RBM33: variants seen among roughly 807,000 people sequenced by gnomAD.
RBM33 encodes the protein RNA binding motif protein 33, also known as RNA-binding protein 33.
RBM33 carries 28 observed loss-of-function variants against 132.6 expected under a neutral mutation model. That is an observed-to-expected ratio of 0.21 (90% CI 0.16 to 0.29). The LOEUF (loss-of-function observed/expected upper bound fraction) is 0.29. RBM33 is among the 10% of genes least tolerant of loss of function. The pLI, the probability that RBM33 is intolerant of heterozygous loss-of-function variation, is 1.00. For missense variants in RBM33, 1,291 were observed against 1,518.5 expected (o/e 0.85, Z 2.49); for synonymous variants, 634 against 593.0 (o/e 1.07, Z -1.01).
At chr7:155,653,681 G>A (rs1798416861) in intron 1 of RBM33, among the ~76,000 whole-genome samples, 1 of 152,174 alleles carries the variant, frequency 6.6e-6, no homozygotes, top group Non-Finnish European at 1.5e-5. Context: ...TGCTGGGAGG[G>A]TGGTGCACCC....
chr7:155,740,025 A>G lies in RBM33; in HGVS notation c.2048A>G (p.His683Arg). 6.5e-7 allele frequency: 1 copy of G among 1,539,448 alleles called. No homozygotes were observed. Among genetic ancestry groups the G allele is most frequent in the South Asian group, 1.2e-5 (1 of 80,278 alleles). The change falls in exon 12 of 18, where the codon CAT becomes CGT. Residue 683 changes from histidine (H) to arginine (R), a missense_variant and splice_region_variant. By Grantham distance (29) the His-to-Arg change is conservative. This residue lies in a region of RBM33 where 841 missense variants were observed against 912.0 expected (regional missense o/e 0.92). Transcript: ENST00000401878. ...TGCCCCCAGCGCCAGGGGCTCCGGC[A>G]TGTAAGTGTCAAGGGGTGTCTTCCC... ...MQCPQRQGLR[H>R]NTTSQNVSKR... is the part of the protein sequence containing the mutation.
In RBM33 at chr7:155,673,943, T is replaced by TTTG. The variant is rs1563138296; in HGVS notation, c.171+1030_171+1031insGTT. Among the ~76,000 whole-genome samples, 2 of 17,316 alleles carry TTTG rather than the reference T, an allele frequency of 1.2e-4. 1 individual carries two copies. The highest frequency in any genetic ancestry group is 2.5e-4 in the Non-Finnish European group (2 of 8,108). 11.4% of individuals were successfully genotyped at this position (17,316 alleles called of 152,430 possible). A position where few individuals can be genotyped will look rare whatever the true frequency, so the allele number is the denominator to read the frequency against. On this transcript the variant is annotated intron_variant, in intron 3 of 17. Coordinates refer to ENST00000401878, the MANE Select transcript of RBM33 (RefSeq NM_053043.3). The stretch of plus-strand genomic sequence containing the variant: ...TTATCAAGATAGTTTAGGCTTAGTT[T>TTTG]TTTTTTTTTTTTTTTTTTTTTTTTT...
intron 16 of RBM33, among the ~76,000 whole-genome samples, chr7:155,768,640 G>C (rs6958363): frequency 0.067 from 10,177 of 152,192 alleles, 533 homozygotes; most frequent in African/African-American, 0.15. Context: ...TTTTGGAGAC[G>C]GAGTCTCGCT....
intron 13 of RBM33, among the ~76,000 whole-genome samples, chr7:155,742,776 G>A (rs1311811456): frequency 1.3e-5 from 2 of 152,222 alleles, no homozygotes; most frequent in Admixed American, 6.5e-5. Flanking sequence ...ATGCAGCTCA[G>A]TCTTTACCTG....
intron 5 of RBM33, among the ~76,000 whole-genome samples, chr7:155,691,841 A>C (rs1315294208): frequency 1.3e-5 from 2 of 152,182 alleles, no homozygotes; most frequent in East Asian, 3.9e-4. Context: ...GGGTCACTTG[A>C]GCTCAGGAGA....
At chr7:155,699,415 G>A (rs12698264) in intron 5 of RBM33, among the ~76,000 whole-genome samples, 37,556 of 152,040 alleles carry the variant, frequency 0.25, 4,924 homozygotes, top group Admixed American at 0.38. Context: ...TCATGGGAGC[G>A]GAGAATAGAC....
intron 14 of RBM33, among the ~76,000 whole-genome samples, chr7:155,752,600 G>A (rs1801718030): frequency 6.6e-6 from 1 of 152,210 alleles, no homozygotes; most frequent in Non-Finnish European, 1.5e-5. Flanking sequence ...ATGAGACACA[G>A]CTGAGCACTG....
At chr7:155,685,136 G>T in intron 5 of RBM33, 1 of 1,375,764 alleles carries the variant, frequency 7.3e-7, no homozygotes, top group South Asian at 1.4e-5. Context: ...TAGCATTAGC[G>T]AAAGTCGATA....
chr7:155,712,483 C>A (rs1016519814), intron 8 of RBM33, among the ~76,000 whole-genome samples: 2 of 152,110 alleles, frequency 1.3e-5, no homozygotes, highest in Non-Finnish European at 2.9e-5. Context: ...TAGCAGTAAA[C>A]ATAAGTATTT....
chr7:155,697,786 A>T (rs528692826), intron 5 of RBM33, among the ~76,000 whole-genome samples: 1 of 152,162 alleles, frequency 6.6e-6, no homozygotes, highest in Non-Finnish European at 1.5e-5. Flanking sequence ...TACGAAATAA[A>T]GCCTAAGTGG....
chr7:155,675,136 G>A (rs1799140832), intron 3 of RBM33, among the ~76,000 whole-genome samples: 1 of 151,768 alleles, frequency 6.6e-6, no homozygotes, highest in Non-Finnish European at 1.5e-5. Context: ...GTGAAACCCC[G>A]TCTCTGCTAA....
At chr7:155,759,389 G>GTAT (rs919596684) in intron 14 of RBM33, among the ~76,000 whole-genome samples, 5 of 149,142 alleles carry the variant, frequency 3.4e-5, no homozygotes, top group African/African-American at 1.2e-4. Context: ...CTTATTCGGG[G>GTAT]TATTTATTGA....
chr7:155,679,476 A>G (rs189393311), intron 4 of RBM33, among the ~76,000 whole-genome samples: 1 of 140,308 alleles, frequency 7.1e-6, no homozygotes, highest in Non-Finnish European at 1.6e-5. Flanking sequence ...CTGTTGACAT[A>G]TAGTAAGCTA....
At chr7:155,651,109 C>T (rs1026081938) in intron 1 of RBM33, among the ~76,000 whole-genome samples, 3 of 151,722 alleles carry the variant, frequency 2.0e-5, no homozygotes, top group Non-Finnish European at 2.9e-5. Flanking sequence ...AACTCCTGAC[C>T]TCAGGTGATC....
chr7:155,752,225 G>A (rs1338850664), intron 14 of RBM33, among the ~76,000 whole-genome samples: 1 of 152,166 alleles, frequency 6.6e-6, no homozygotes, highest in East Asian at 1.9e-4. Flanking sequence ...GAAGCTCCAG[G>A]TCCTTAGAGT....
At position 155,736,349 on chromosome 7, in the gene RBM33, C is replaced by T. The variant is rs142078555; in HGVS notation, c.1261-1181C>T. 4.5e-3 allele frequency among the ~76,000 whole-genome samples: 690 copies of T among 152,274 alleles called. 5 individuals carry two copies. The highest frequency in any genetic ancestry group is 7.6e-3 in the Non-Finnish European group (517 of 68,014). On this transcript the variant is annotated intron_variant, in intron 9 of 17. Coordinates refer to ENST00000401878, the MANE Select transcript of RBM33 (RefSeq NM_053043.3). ...AAGTTGTGAAATATTGACTCAGTTT[C>T]AAAGAACAAGGTGCTATTAAATGAA...
intron 14 of RBM33, among the ~76,000 whole-genome samples, chr7:155,750,583 C>T (rs1036572856): frequency 1.3e-5 from 2 of 152,150 alleles, no homozygotes; most frequent in Non-Finnish European, 2.9e-5. Flanking sequence ...CCAGTTTCCT[C>T]ATCAGTACAA....
chr7:155,742,182 C>G (rs1027349174), intron 13 of RBM33, 76 bp downstream of exon 13: 12 of 1,341,742 alleles, frequency 8.9e-6, no homozygotes, highest in South Asian at 3.0e-5. Context: ...TCTTAGTTCA[C>G]TCTCACTAAG....
At chr7:155,751,839 A>G (rs1185465430) in intron 14 of RBM33, among the ~76,000 whole-genome samples, 2 of 152,186 alleles carry the variant, frequency 1.3e-5, no homozygotes, top group Non-Finnish European at 2.9e-5. Flanking sequence ...GACTATGTAA[A>G]TATCCCATTT....
Sources: allele counts gnomAD v4.1 joint callset (sites outside exome capture counted in the v4.1 genomes callset), GRCh38; gene constraint gnomAD v4.1.1; regional missense constraint gnomAD v4.1.1; transcripts MANE v1.5; gene names NCBI Gene and HGNC (gene_info 2026-07-23, HGNC 2026-07-21).